Variants in CILK1 observed in about 807,000 individuals in gnomAD.
CILK1 encodes serine/threonine-protein kinase ICK.
Under a neutral mutation model 79.2 loss-of-function variants are expected in CILK1, and 47 were observed. That is an observed-to-expected ratio of 0.59 (90% CI 0.47 to 0.76). CILK1 has a LOEUF of 0.76. CILK1 is among the 30% of genes least tolerant of loss of function. The pLI is 0.00. For missense variants in CILK1, 660 were observed against 769.5 expected (o/e 0.86, Z 1.68); for synonymous variants, 266 against 275.9 (o/e 0.96, Z 0.36).
At chr6:53,038,596 C>G (rs1253135972) in intron 2 of CILK1, among the ~76,000 whole-genome samples, 1 of 152,142 alleles carries the variant, frequency 6.6e-6, no homozygotes, top group Non-Finnish European at 1.5e-5. Flanking sequence ...TGGCATTTAC[C>G]TTTTTAAATT....
intron 11 of CILK1, among the ~76,000 whole-genome samples, chr6:53,010,998 A>G (rs1764536827): frequency 6.6e-6 from 1 of 152,230 alleles, no homozygotes; most frequent in African/African-American, 2.4e-5. Context: ...GGCATGCAGT[A>G]GATGCTTGAT....
In CILK1 at chr6:53,013,982, C is replaced by A; in HGVS notation, c.832G>T (p.Ala278Ser). 6.2e-7 allele frequency: 1 copy of A among 1,612,512 alleles called. No individual in the cohort carries two copies. Among genetic ancestry groups the A allele is most frequent in the African/African-American group, 1.3e-5 (1 of 74,956 alleles). Residue 278 changes from alanine to serine, a missense_variant and splice_region_variant, in exon 9 of 14, where the codon GCA becomes TCA. Physicochemically the swap from Ala to Ser is moderately conservative, Grantham distance 99 (BLOSUM62 1). Transcript: ENST00000676107. ...DPKKRPTASQ[A>S]LRYPYFQVGH... ...ACTTGGAAGTAAGGATATCGAAGTG[C>A]CTGGAATGACAAATAAGGCTTTAGG...
In CILK1 at chr6:53,027,815, G is replaced by T. The variant is rs187905827; in HGVS notation, c.358+3250C>A. On this transcript the variant is annotated intron_variant, in intron 5 of 13. Transcript: ENST00000676107. ...ACAGCAGGAGTTGGAGACCAGGCTG[G>T]CCAACATGGTGAAAACCCCATCTCT... Among the ~76,000 whole-genome samples the T allele has an allele frequency of 2.2e-3, 330 of 152,210 alleles. 4 individuals carry two copies. The highest frequency in any genetic ancestry group is 7.5e-3 in the African/African-American group (310 of 41,526).
intron 5 of CILK1, among the ~76,000 whole-genome samples, chr6:53,026,240 C>G (rs1765567023): frequency 6.6e-6 from 1 of 152,208 alleles, no homozygotes; most frequent in African/African-American, 2.4e-5. Context: ...TCTCGGCTCA[C>G]TGCAACCTTT....
In CILK1 at chr6:53,054,091, CCTTT is replaced by C. The variant is rs368722193; in HGVS notation, c.-173+7501_-173+7504del. On this transcript the variant is annotated intron_variant, in intron 1 of 13. Transcript: ENST00000676107. Reference sequence around the variant, plus strand: ...ACCGAAGGACCCTGTATGCTACACACCTTTCTTTCAAGAGATGCACAAGTGCCCC... The same window carrying C: ...ACCGAAGGACCCTGTATGCTACACACCTTTCAAGAGATGCACAAGTGCCCC... Among the ~76,000 whole-genome samples, 374 of 152,344 alleles carry C rather than the reference CCTTT, an allele frequency of 2.5e-3. 2 individuals carry two copies. Among genetic ancestry groups the C allele is most frequent in the Non-Finnish European group, 3.7e-3 (251 of 68,034 alleles).
At chr6:53,019,401 G>A in intron 5 of CILK1, 42 bp from the exon 6 acceptor site, 1 of 1,610,050 alleles carries the variant, frequency 6.2e-7, no homozygotes. Flanking sequence ...ATGCAAGTTT[G>A]CTTCGTATTA....
chr6:53,005,368 T>C, intron 13 of CILK1, 65 bp from the exon 14 acceptor site: 1 of 1,553,288 alleles, frequency 6.4e-7, no homozygotes, highest in East Asian at 2.2e-5. Flanking sequence ...TACAAATAAA[T>C]GCATTTTGGT....
At chr6:53,055,069 C>T (rs1184498431) in intron 1 of CILK1, among the ~76,000 whole-genome samples, 1 of 152,090 alleles carries the variant, frequency 6.6e-6, no homozygotes, top group Non-Finnish European at 1.5e-5. Context: ...TTTACCAGGC[C>T]CACTGACACC....
In CILK1 at chr6:53,004,164, A is replaced by G. The variant is rs1581928918; in HGVS notation, c.*985T>C. ...CCTGAGAATTTGGCTAGGACAGAAC[A>G]TTAGTCATTGACTGCTCCTAGCCAG... On this transcript the variant is annotated 3_prime_UTR_variant, in exon 14 of 14. Coordinates refer to ENST00000676107, the MANE Select transcript of CILK1 (RefSeq NM_014920.5). The G allele has an allele frequency of 6.6e-6, 1 of 152,640 alleles. No homozygotes were observed. Among genetic ancestry groups the G allele is most frequent in the East Asian group, 1.9e-4 (1 of 5,196 alleles). 9.5% of individuals were successfully genotyped at this position (152,640 alleles called of 1,614,324 possible).
At chr6:53,032,747 AAC>A (rs1766054001) in intron 3 of CILK1, 93 bp from the exon 4 acceptor site, 10 of 1,043,752 alleles carry the variant, frequency 9.6e-6, no homozygotes, top group Non-Finnish European at 1.4e-6. Context: ...CTTGGAAAGA[AAC>A]AACTAATTTT....
chr6:53,012,558 T>C (rs1051906803), intron 9 of CILK1, among the ~76,000 whole-genome samples: 1 of 152,240 alleles, frequency 6.6e-6, no homozygotes, highest in African/African-American at 2.4e-5. Context: ...CTGTTATAAA[T>C]ATGGATGTAA....
chr6:53,032,816 G>A (rs902352074), intron 3 of CILK1, among the ~76,000 whole-genome samples, 162 bp from the exon 4 acceptor site: 6 of 152,186 alleles, frequency 3.9e-5, no homozygotes, highest in Non-Finnish European at 8.8e-5. Context: ...GTATACCTCT[G>A]AAATTTATAA....
chr6:53,014,342 GA>G (rs1284636306), intron 8 of CILK1, among the ~76,000 whole-genome samples: 1 of 151,924 alleles, frequency 6.6e-6, no homozygotes, highest in Non-Finnish European at 1.5e-5. Context: ...CACAGAAGAA[GA>G]AAAAAATAAT....
intron 10 of CILK1, 43 bp from the exon 11 acceptor site, chr6:53,011,960 A>ATG (rs755635792): frequency 1.2e-6 from 2 of 1,613,986 alleles, no homozygotes. Flanking sequence ...GAGAGACAGT[A>ATG]TGTATTCTCG....
At chr6:53,016,675 T>A (rs2127415875) in intron 7 of CILK1, among the ~76,000 whole-genome samples, 1 of 152,354 alleles carries the variant, frequency 6.6e-6, no homozygotes, top group South Asian at 2.1e-4. Flanking sequence ...ACCTACAGTA[T>A]CTTCAACTTG....
Position 53,032,570 on chromosome 6 carries a change from A to T in CILK1, c.241T>A (p.Tyr81Asn). ...AGCTGGTAAAGATTTTCCTTCATGT[A>T]CTCGAAGATAAAATAAAGATGATCA... The part of the protein sequence containing the change: ...ENDHLYFIFE[Y>N]MKENLYQLIK... The change falls in exon 4 of 14, where the codon TAC becomes AAC. Residue 81 changes from tyrosine to asparagine, a missense_variant. By Grantham distance (143) the Tyr-to-Asn change is moderately radical. Coordinates refer to ENST00000676107, the MANE Select transcript of CILK1 (RefSeq NM_014920.5). The T allele has an allele frequency of 1.2e-6, 2 of 1,607,834 alleles. No individual in the cohort carries two copies. Among genetic ancestry groups the T allele is most frequent in the Non-Finnish European group, 1.7e-6 (2 of 1,175,330 alleles).
chr6:53,018,640 A>C, intron 6 of CILK1, 139 bp from the exon 7 acceptor site: 1 of 825,364 alleles, frequency 1.2e-6, no homozygotes, highest in South Asian at 1.8e-5. Context: ...AATTGTGAGA[A>C]CTTGGCAACT....
At chr6:53,015,714 A>G (rs1192426302) in intron 8 of CILK1, among the ~76,000 whole-genome samples, 1 of 152,236 alleles carries the variant, frequency 6.6e-6, no homozygotes, top group Non-Finnish European at 1.5e-5. Flanking sequence ...CATAATATGA[A>G]GTTGCCTTTC....
chr6:53,044,310 T>C (rs1438475254), intron 1 of CILK1, among the ~76,000 whole-genome samples: 1 of 152,128 alleles, frequency 6.6e-6, no homozygotes, highest in South Asian at 2.1e-4. Flanking sequence ...GAACTGCCCA[T>C]GGGAGGGATC....
Sources: gnomAD v4.1 joint callset for allele counts (sites outside exome capture counted in the v4.1 genomes callset) on GRCh38, gnomAD v4.1.1 for gene constraint, MANE v1.5 for transcripts, NCBI Gene and HGNC (gene_info 2026-07-23, HGNC 2026-07-21) for gene names.